SH2B1: variants seen among roughly 807,000 people sequenced by gnomAD.
SH2B1 encodes SH2B adapter protein 1.
In SH2B1, 15 loss-of-function variants were observed where a neutral mutation model predicts 62.6. That is an observed-to-expected ratio of 0.24 (90% CI 0.16 to 0.37). The LOEUF is 0.37. SH2B1 is among the 10% of genes least tolerant of loss of function. The probability of loss-of-function intolerance (pLI) is 1.00; values close to 1 mark genes in which losing one functional copy is unlikely to be tolerated. For missense variants in SH2B1, 925 were observed against 1,015.6 expected (o/e 0.91, Z 1.21); for synonymous variants, 443 against 438.0 (o/e 1.01, Z -0.14).
At position 28,866,278 on chromosome 16, in the gene SH2B1, G is replaced by A. The variant is rs1962686725; in HGVS notation, c.184G>A (p.Ala62Thr). The A allele has an allele frequency of 8.7e-6, 14 of 1,609,992 alleles. No homozygotes were observed. The highest frequency in any genetic ancestry group is 2.2e-5 in the East Asian group (1 of 44,848). The change falls in exon 1 of 8, where the codon GCT (alanine) becomes ACT (threonine). Residue 62 changes from alanine to threonine, a missense_variant. Physicochemically the swap from Ala to Thr is moderately conservative, Grantham distance 58. Transcript: ENST00000684370. The surrounding 1 kb of genome is among the most constrained non-coding windows in gnomAD (Gnocchi z 6.3). ...HPQYAGPGAE[A>T]AFSRRFAELF... ...CCAATATGCGGGGCCCGGGGCCGAGGCTGCCTTCTCCCGCCGTTTTGCTGA... is the reference window on the plus strand; with the variant it reads ...CCAATATGCGGGGCCCGGGGCCGAGACTGCCTTCTCCCGCCGTTTTGCTGA...
Position 28,872,566 on chromosome 16 carries a change from G to C in SH2B1, c.1758G>C (p.Gln586His), listed in dbSNP as rs755877830. 6.2e-7 allele frequency: 1 copy of C among 1,613,848 alleles called. No individual in the cohort carries two copies. Among genetic ancestry groups the C allele is most frequent in the South Asian group, 1.1e-5 (1 of 91,086 alleles). Residue 586 changes from glutamine (Q) to histidine (H), a missense_variant, in exon 7 of 8, where the codon CAG becomes CAC. Around this residue, in one of 3 missense-constraint regions of SH2B1, gnomAD observed 57 missense variants for 122.1 expected, o/e 0.47. Coordinates refer to ENST00000684370, the MANE Select transcript of SH2B1 (RefSeq NM_001387430.1). This position sits in a 1 kb window ranked among gnomAD's most constrained non-coding sequence, Gnocchi z 5.3. ...HLRLSLNEEG[Q>H]CRVQHLWFQS... is the part of the protein sequence containing the mutation. ...GTTTGTCGCTGAACGAGGAGGGTCA[G>C]TGCCGGGTCCAGCACCTGTGGTTCC...
chr16:28,851,093 G>T (rs1343921223), intron 1 of SH2B1, among the ~76,000 whole-genome samples: 2 of 148,048 alleles, frequency 1.4e-5, no homozygotes, highest in East Asian at 4.0e-4. Flanking sequence ...AGACTCGCTC[G>T]AACCTGGGAG....
rs1163467388 is a variant in SH2B1 at position 28,871,999 on chromosome 16, G to A, written c.1513+16G>A. 4 of 1,531,386 alleles carry A rather than the reference G, an allele frequency of 2.6e-6. No homozygotes were observed. Among genetic ancestry groups the A allele is most frequent in the Admixed American group, 3.3e-5 (2 of 59,800 alleles). 94.9% of individuals were successfully genotyped at this position (1,531,386 alleles called of 1,614,324 possible). A position where few individuals can be genotyped will look rare whatever the true frequency, so the allele number is the denominator to read the frequency against. Reference sequence around the variant, plus strand: ...ACAGCCACAGGTACCGGAGGTGTGAGTGTGCATGTCTCCAGGCCTGGGTGC... The same window carrying A: ...ACAGCCACAGGTACCGGAGGTGTGAATGTGCATGTCTCCAGGCCTGGGTGC... On this transcript the variant is annotated intron_variant, in intron 5 of 7. Transcript: ENST00000684370.
At position 28,873,028 on chromosome 16, in the gene SH2B1, A is replaced by AGCCTGGCCTTGG; in HGVS notation, c.1897+329_1897+340dup. The stretch of plus-strand genomic sequence containing the variant: ...TGGCCTCGTCTTTGCCCTCCGTCGC[A>AGCCTGGCCTTGG]GCCTGGCCTTGGGCCTGCCCTTCCC... On this transcript the variant is annotated intron_variant, in intron 7 of 7. Transcript: ENST00000684370. The surrounding 1 kb of genome is among the most constrained non-coding windows in gnomAD (Gnocchi z 4.2). 1.5e-6 allele frequency: 1 copy of AGCCTGGCCTTGG among 668,574 alleles called. No individual in the cohort carries two copies. The highest frequency in any genetic ancestry group is 1.9e-5 in the South Asian group (1 of 52,476). 41.4% of individuals were successfully genotyped at this position (668,574 alleles called of 1,614,324 possible).
intron 1 of SH2B1, among the ~76,000 whole-genome samples, chr16:28,849,185 C>T (rs1260164007): frequency 6.6e-6 from 1 of 152,164 alleles, no homozygotes; most frequent in Non-Finnish European, 1.5e-5. Flanking sequence ...CTCACTGCAG[C>T]TTCAGCCTCC....
Position 28,866,200 on chromosome 16 carries a change from G to T in SH2B1, c.106G>T (p.Ala36Ser), listed in dbSNP as rs1468951127. 6 of 1,595,612 alleles carry T rather than the reference G, an allele frequency of 3.8e-6. No homozygotes were observed. Among genetic ancestry groups the T allele is most frequent in the East Asian group, 2.3e-5 (1 of 43,716 alleles). ...GGAGTTCTGTGAGTCCCACGCCCGG[G>T]CTGCGGCTCTGGACTTTGCCCGCCG... ...WREFCESHAR[A>S]AALDFARRFR... is the part of the protein sequence containing the mutation. Residue 36 changes from alanine (A) to serine (S), a missense_variant, in exon 1 of 8, where the codon GCT (alanine) becomes TCT (serine). Ala to Ser is a moderately conservative substitution (Grantham distance 99). Transcript: ENST00000684370. The surrounding 1 kb of genome is among the most constrained non-coding windows in gnomAD (Gnocchi z 6.3).
intron 1 of SH2B1, among the ~76,000 whole-genome samples, chr16:28,854,733 G>GT (rs2152160536): frequency 6.6e-6 from 1 of 152,224 alleles, no homozygotes; most frequent in Non-Finnish European, 1.5e-5. Context: ...TTTTGCCTGG[G>GT]TAACAGAACG....
rs538576671 is a variant in SH2B1, at chr16:28,864,824, C to T, written c.-1271C>T. 6 of 299,776 alleles carry T rather than the reference C, an allele frequency of 2.0e-5. No homozygotes were observed. The East Asian group carries it at 6.9e-4, about 35-fold the overall frequency. 18.6% of individuals were successfully genotyped at this position (299,776 alleles called of 1,614,324 possible). Reference sequence around the variant, plus strand: ...AAATTGGAACAATAATATTCTTCTCCCACATGAAGATAGTAACAATGGCAG... The same window carrying T: ...AAATTGGAACAATAATATTCTTCTCTCACATGAAGATAGTAACAATGGCAG... On this transcript the variant is annotated 5_prime_UTR_variant, in exon 1 of 8. Transcript: ENST00000684370.
chr16:28,874,162 C>A lies in SH2B1; in HGVS notation c.*342C>A. 4.1e-6 allele frequency: 1 copy of A among 246,676 alleles called. No individual in the cohort carries two copies. 15.3% of individuals were successfully genotyped at this position (246,676 alleles called of 1,614,324 possible). The stretch of plus-strand genomic sequence containing the variant: ...AGGTGGTTGTTGTTGTTGTTTTAAA[C>A]AAAATGGAGAAGCATAAATAAATAA... On this transcript the variant is annotated 3_prime_UTR_variant, in exon 8 of 8. Transcript: ENST00000684370.
intron 1 of SH2B1, among the ~76,000 whole-genome samples, chr16:28,856,950 G>A (rs1238086835): frequency 1.3e-5 from 2 of 152,032 alleles, no homozygotes; most frequent in Non-Finnish European, 2.9e-5. Context: ...CATCACAACT[G>A]GAAGCACTTG....
rs1491562253 is a variant in SH2B1 at position 28,853,143 on chromosome 16, AAT to A, written c.-301+6324_-301+6325del. ...ATATATTTATGTATACATTTATATA[AAT>A]ATATATAAATGTATATATAAATATA... On this transcript the variant is annotated intron_variant, in intron 1 of 10. Transcript: ENST00000322610. 1.0e-3 allele frequency among the ~76,000 whole-genome samples: 130 copies of A among 129,410 alleles called. 2 individuals carry two copies. Among genetic ancestry groups the A allele is most frequent in the African/African-American group, 3.6e-3 (122 of 34,158 alleles). 84.9% of individuals were successfully genotyped at this position (129,410 alleles called of 152,430 possible).
chr16:28,848,668 CTTT>C (rs745489496), intron 1 of SH2B1, among the ~76,000 whole-genome samples: 28,703 of 108,374 alleles, frequency 0.26, 3,793 homozygotes, highest in Admixed American at 0.34. Flanking sequence ...CCGCACTGTC[CTTT>C]TTTTTTTTTT....
rs539136007 is a variant in SH2B1, at chr16:28,873,538, G to A, written c.1989G>A (p.Ala663=). The A allele has an allele frequency of 1.2e-5, 20 of 1,604,732 alleles. No individual in the cohort carries two copies. Among genetic ancestry groups the A allele is most frequent in the East Asian group, 2.3e-5 (1 of 44,426 alleles). Reference sequence around the variant, plus strand: ...CTGGGGCAGAAGAGGCGTCGAGGGCGCCAGAAGTGGCGGCAGCAGCAGCCG... The same window carrying A: ...CTGGGGCAGAAGAGGCGTCGAGGGCACCAGAAGTGGCGGCAGCAGCAGCCG... ...PQPGAEEASR[A]PEVAAAAAAA... The change falls in exon 8 of 8, where the codon GCG becomes GCA. Residue 663 remains alanine (A), a synonymous_variant. Coordinates refer to ENST00000684370, the MANE Select transcript of SH2B1 (RefSeq NM_001387430.1). The surrounding 1 kb of genome is among the most constrained non-coding windows in gnomAD (Gnocchi z 4.2).
At chr16:28,854,571 C>T (rs7205323) in intron 1 of SH2B1, among the ~76,000 whole-genome samples, 51,796 of 151,774 alleles carry the variant, frequency 0.34, 9,497 homozygotes, top group Admixed American at 0.41. Context: ...GCCTGGGCAA[C>T]ATGGCAAGAA....
upstream of SH2B1, among the ~76,000 whole-genome samples, chr16:28,861,326 T>C (rs1186233848): frequency 6.6e-6 from 1 of 152,084 alleles, no homozygotes; most frequent in African/African-American, 2.4e-5. Flanking sequence ...AGAGGTGGGG[T>C]TTCACTATGT....
At position 28,866,508 on chromosome 16, in the gene SH2B1, TTCC is replaced by T. The variant is rs779715835; in HGVS notation, c.420_422del (p.Ser141del). The T allele has an allele frequency of 5.0e-6, 8 of 1,613,998 alleles. No homozygotes were observed. The South Asian group carries it at 5.5e-5, about 11-fold the overall frequency. On this transcript the variant is annotated inframe_deletion, in exon 1 of 8. Coordinates refer to ENST00000684370, the MANE Select transcript of SH2B1 (RefSeq NM_001387430.1). This position sits in a 1 kb window ranked among gnomAD's most constrained non-coding sequence, Gnocchi z 6.3. ...CCGGCCCCCTCCCTTCCTCAGTCTC[TTCC>T]TCCTCTACAACCTCCTCCAAGCCGA...
chr16:28,848,663 C>T (rs1962036046), intron 1 of SH2B1, among the ~76,000 whole-genome samples: 1 of 140,768 alleles, frequency 7.1e-6, no homozygotes, highest in South Asian at 2.3e-4. Context: ...GCACACCGCA[C>T]TGTCCTTTTT....
chr16:28,867,317 T>G lies in SH2B1; in HGVS notation c.940-14T>G. On this transcript the variant is annotated splice_polypyrimidine_tract_variant and intron_variant, in intron 1 of 7. Coordinates refer to ENST00000684370, the MANE Select transcript of SH2B1 (RefSeq NM_001387430.1). Reference sequence around the variant, plus strand: ...AAACCAAACACCCAGATCTGTTTCTTTCTCCTGACTTAGGCCTCTCGGCCC... The same window carrying G: ...AAACCAAACACCCAGATCTGTTTCTGTCTCCTGACTTAGGCCTCTCGGCCC... 6.2e-7 allele frequency: 1 copy of G among 1,600,982 alleles called. No individual in the cohort carries two copies. The highest frequency in any genetic ancestry group is 1.3e-5 in the African/African-American group (1 of 74,762).
rs1378826678 is a variant in SH2B1 at position 28,852,770 on chromosome 16, T to G, written c.-301+5943T>G. Reference sequence around the variant, plus strand: ...TTTACATATATATGTATATATATATTTATATATATATTTACATATATATTT... The same window carrying G: ...TTTACATATATATGTATATATATATGTATATATATATTTACATATATATTT... On this transcript the variant is annotated intron_variant, in intron 1 of 10. Coordinates refer to the SH2B1 transcript ENST00000322610. 1.7e-4 allele frequency among the ~76,000 whole-genome samples: 10 copies of G among 60,472 alleles called. 2 individuals are homozygous for G. The highest frequency in any genetic ancestry group is 1.0e-3 in the East Asian group (2 of 1,954). The allele number at this position is 60,472 out of a possible 152,430, so 39.7% of individuals were successfully genotyped here.
Sources: gnomAD v4.1 joint callset for allele counts (sites outside exome capture counted in the v4.1 genomes callset) on GRCh38, gnomAD v4.1.1 for gene constraint, gnomAD v4.1.1 regional missense constraint, Gnocchi (gnomAD v3.1) non-coding constraint, MANE v1.5 for transcripts, NCBI Gene and HGNC (gene_info 2026-07-23, HGNC 2026-07-21) for gene names.